Variants in CTNNA3 observed in about 807,000 individuals in gnomAD.
CTNNA3 encodes catenin alpha-3.
A neutral mutation model predicts 95.7 loss-of-function variants in CTNNA3; 76 were observed. That is an observed-to-expected ratio of 0.79 (90% confidence interval 0.66 to 0.96). The LOEUF is 0.96. Among genes scored for constraint, CTNNA3 ranks in the 40% least tolerant of loss-of-function variants. The pLI is 0.00. For missense variants in CTNNA3, 1,191 were observed against 1,089.8 expected (o/e 1.09, Z -1.31); for synonymous variants, 431 against 374.4 (o/e 1.15, Z -1.74).
At chr10:67,649,300 C>T (rs908183307) in intron 1 of CTNNA3, among the ~76,000 whole-genome samples, 1 of 152,084 alleles carries the variant, frequency 6.6e-6, no homozygotes, top group African/African-American at 2.4e-5. Context: ...GTTTCCAAAG[C>T]TACATGGCCA....
At chr10:66,791,635 G>A (rs1840972760) in intron 7 of CTNNA3, among the ~76,000 whole-genome samples, 1 of 152,148 alleles carries the variant, frequency 6.6e-6, no homozygotes, top group Admixed American at 6.5e-5. Flanking sequence ...ATACTAGCAG[G>A]GAAGAGGAAT....
chr10:67,292,026 G>A (rs1839856362), intron 5 of CTNNA3, among the ~76,000 whole-genome samples: 1 of 152,218 alleles, frequency 6.6e-6, no homozygotes, highest in Admixed American at 6.5e-5. Context: ...ACTACCTAAT[G>A]CTAATAGGTT....
chr10:66,451,337 G>A, intron 11 of CTNNA3, among the ~76,000 whole-genome samples: 1 of 152,250 alleles, frequency 6.6e-6, no homozygotes, highest in Admixed American at 6.5e-5. Flanking sequence ...TAAGGTAAAT[G>A]TTATTATAAT....
At chr10:67,301,764 G>C (rs529888330) in intron 5 of CTNNA3, among the ~76,000 whole-genome samples, 125 of 151,994 alleles carry the variant, frequency 8.2e-4, no homozygotes, top group Admixed American at 4.6e-3. Context: ...GTCAGGAGAT[G>C]GAGACCATCC....
chr10:66,674,344 A>T (rs1021475022), intron 9 of CTNNA3, among the ~76,000 whole-genome samples: 1 of 151,480 alleles, frequency 6.6e-6, no homozygotes, highest in Non-Finnish European at 1.5e-5. Context: ...TCTTCTTTTC[A>T]GTTTCTAAGT....
At chr10:66,744,198 C>T (rs1008948199) in intron 9 of CTNNA3, among the ~76,000 whole-genome samples, 1 of 152,050 alleles carries the variant, frequency 6.6e-6, no homozygotes, top group Non-Finnish European at 1.5e-5. Flanking sequence ...TACAAATAAT[C>T]TTCATGCACC....
chr10:67,650,987 C>T (rs1014643911), intron 1 of CTNNA3, among the ~76,000 whole-genome samples: 1 of 151,988 alleles, frequency 6.6e-6, no homozygotes, highest in East Asian at 1.9e-4. Flanking sequence ...CACTCTTCAC[C>T]ACCCACTCTA....
At chr10:67,319,387 T>A (rs1241949396) in intron 5 of CTNNA3, among the ~76,000 whole-genome samples, 1 of 152,150 alleles carries the variant, frequency 6.6e-6, no homozygotes, top group Non-Finnish European at 1.5e-5. Context: ...CCAGGGGTAA[T>A]CTCCGGTAAC....
At position 65,912,991 on chromosome 10, in the gene CTNNA3, A is replaced by T. The variant is rs1043749593; in HGVS notation, c.*7339T>A. On this transcript the variant is annotated 3_prime_UTR_variant, in exon 18 of 18. Transcript: ENST00000433211. ...TGTCTCTGCAGAGCAGGGTGAAATG[A>T]ACAAGCAAGATAGTCAGAAACACCT... 1 of 152,162 alleles carries T rather than the reference A, an allele frequency of 6.6e-6. No individual in the cohort carries two copies. Among genetic ancestry groups the T allele is most frequent in the East Asian group, 1.9e-4 (1 of 5,194 alleles). The allele number at this position is 152,162 out of a possible 1,614,324, so 9.4% of individuals were successfully genotyped here. A position where few individuals can be genotyped will look rare whatever the true frequency, so the allele number is the denominator to read the frequency against.
intron 7 of CTNNA3, among the ~76,000 whole-genome samples, chr10:66,890,640 A>C (rs1270585663): frequency 1.3e-5 from 2 of 152,162 alleles, no homozygotes; most frequent in African/African-American, 4.8e-5. Context: ...TGTATGAGGA[A>C]TTAGCATTGA....
At chr10:66,965,344 G>A (rs938692422) in intron 7 of CTNNA3, among the ~76,000 whole-genome samples, 1 of 151,960 alleles carries the variant, frequency 6.6e-6, no homozygotes, top group African/African-American at 2.4e-5. Flanking sequence ...AGACGATCTT[G>A]GCCAACATGG....
intron 10 of CTNNA3, among the ~76,000 whole-genome samples, chr10:66,590,679 T>C (rs1353677253): frequency 3.9e-5 from 6 of 152,172 alleles, no homozygotes; most frequent in African/African-American, 1.4e-4. Context: ...TCATGTAACA[T>C]GTGAGGATAA....
chr10:66,926,817 T>C (rs1847104941), intron 7 of CTNNA3: 2 of 1,076,282 alleles, frequency 1.9e-6, no homozygotes, highest in Non-Finnish European at 2.6e-6. Flanking sequence ...AAGTGTTATT[T>C]AGATTTAAAT....
At chr10:67,611,372 G>A (rs984808334) in intron 2 of CTNNA3, among the ~76,000 whole-genome samples, 16 of 151,330 alleles carry the variant, frequency 1.1e-4, no homozygotes, top group Non-Finnish European at 1.9e-4. Flanking sequence ...GGAGTGCCGT[G>A]GCACGATCTC....
At chr10:67,262,233 C>T (rs906389306) in intron 5 of CTNNA3, among the ~76,000 whole-genome samples, 1 of 151,980 alleles carries the variant, frequency 6.6e-6, no homozygotes, top group East Asian at 1.9e-4. Context: ...TAATTTAGTT[C>T]CCACAATAAA....
At chr10:66,445,190 CAA>C (rs200449239) in intron 11 of CTNNA3, among the ~76,000 whole-genome samples, 30,264 of 151,336 alleles carry the variant, frequency 0.2, 3,307 homozygotes, top group Middle Eastern at 0.31. Context: ...TAGTGACCTA[CAA>C]AGAGACTTAG....
chr10:67,227,718 T>C (rs1360642671), intron 5 of CTNNA3, among the ~76,000 whole-genome samples: 1 of 152,172 alleles, frequency 6.6e-6, no homozygotes, highest in Non-Finnish European at 1.5e-5. Context: ...ATACAGAACA[T>C]TTCATCCAAC....
chr10:67,255,322 T>TA (rs1349898567), intron 5 of CTNNA3, among the ~76,000 whole-genome samples: 73 of 148,654 alleles, frequency 4.9e-4, no homozygotes, highest in Middle Eastern at 3.5e-3. Flanking sequence ...ATAAATAAAT[T>TA]AATTAATTAA....
chr10:66,994,306 T>C (rs1443469171), intron 7 of CTNNA3, among the ~76,000 whole-genome samples: 4 of 152,198 alleles, frequency 2.6e-5, no homozygotes, highest in Admixed American at 6.5e-5. Flanking sequence ...AAAAATGGGT[T>C]TGCCTGGCCT....
Sources: allele counts gnomAD v4.1 joint callset (sites outside exome capture counted in the v4.1 genomes callset), GRCh38; gene constraint gnomAD v4.1.1; transcripts MANE v1.5; gene names NCBI Gene and HGNC (gene_info 2026-07-23, HGNC 2026-07-21).